PROM1: variants seen among roughly 807,000 people sequenced by gnomAD.
The protein encoded by PROM1 is prominin 1.
PROM1 carries 105 observed loss-of-function variants against 116.9 expected under a neutral mutation model. That is an observed-to-expected ratio of 0.90 (90% CI 0.77 to 1.06). The LOEUF is 1.06. Among genes scored for constraint, PROM1 ranks in the 50% least tolerant of loss-of-function variants. The pLI, the probability that PROM1 is intolerant of heterozygous loss-of-function variation, is 0.00. For missense variants in PROM1, 1,122 were observed against 1,045.2 expected, an observed-to-expected ratio of 1.07 and a Z score of -1.01; for synonymous variants, 393 against 387.0, an observed-to-expected ratio of 1.02 and a Z score of -0.18.
Position 16,063,015 on chromosome 4 carries a change from T to C in PROM1, c.220+12672A>G, listed in dbSNP as rs533433297. ...GAATAAATCTAGACAGTGATCATCA[T>C]CACTGCCAACGTCACAAAAGATACA... On this transcript the variant is annotated intron_variant, in intron 2 of 27. Transcript: ENST00000447510. Among the ~76,000 whole-genome samples, 179 of 152,326 alleles carry C rather than the reference T, an allele frequency of 1.2e-3. 1 individual carries two copies. The highest frequency in any genetic ancestry group is 4.2e-3 in the African/African-American group (176 of 41,576).
At chr4:16,033,838 C>T (rs1733353588) in intron 4 of PROM1, among the ~76,000 whole-genome samples, 1 of 151,802 alleles carries the variant, frequency 6.6e-6, no homozygotes, top group Non-Finnish European at 1.5e-5. Flanking sequence ...GTGTAAGCCA[C>T]CGCACCTGGC....
At chr4:16,049,942 T>G (rs1737460541) in intron 2 of PROM1, among the ~76,000 whole-genome samples, 1 of 152,112 alleles carries the variant, frequency 6.6e-6, no homozygotes, top group Admixed American at 6.5e-5. Context: ...ATTATTTCAC[T>G]ATTCTTCCAC....
At chr4:15,992,173 C>A in intron 17 of PROM1, 75 bp downstream of exon 17, 1 of 1,571,918 alleles carries the variant, frequency 6.4e-7, no homozygotes, top group South Asian at 1.2e-5. Flanking sequence ...AATAAAAAAT[C>A]AAAAGCAAAA....
intron 13 of PROM1, among the ~76,000 whole-genome samples, chr4:16,005,528 G>A (rs1303427354): frequency 6.6e-6 from 1 of 151,002 alleles, no homozygotes; most frequent in Admixed American, 6.6e-5. Flanking sequence ...GTGTGTGTGT[G>A]TGTGTGTGTG....
chr4:16,000,618 C>A lies in PROM1; in HGVS notation c.1456G>T (p.Gly486Ter). The stretch of plus-strand genomic sequence containing the variant: ...CAAAAGAGGAAACTTAATCCAACTC[C>A]ACTGGAAAAAAATATAAAGTTAGTA... ...SNTGGVFLMV[G>*]VGLSFLFCWI... Residue 486 changes from glycine to a stop codon, truncating the protein, a stop_gained and splice_region_variant, in exon 14 of 28, where the codon GGA (glycine) becomes TGA (stop). Coordinates refer to ENST00000447510, the MANE Select transcript of PROM1 (RefSeq NM_006017.3). LOFTEE classifies it high-confidence loss of function. 1 of 1,549,174 alleles carries A rather than the reference C, an allele frequency of 6.5e-7. No homozygotes were observed.
chr4:15,986,356 T>A (rs540551288), intron 20 of PROM1, among the ~76,000 whole-genome samples: 1 of 152,172 alleles, frequency 6.6e-6, no homozygotes, highest in South Asian at 2.1e-4. Flanking sequence ...GCTCAGCCTC[T>A]TCACGGTCAC....
At chr4:16,006,482 C>T in intron 13 of PROM1, 56 bp downstream of exon 13, 2 of 1,508,654 alleles carry the variant, frequency 1.3e-6, no homozygotes, top group Non-Finnish European at 1.8e-6. Context: ...AGAGTCAGCA[C>T]CCAGTCTCTC....
intron 11 of PROM1, among the ~76,000 whole-genome samples, chr4:16,011,227 T>C (rs1726817445): frequency 6.6e-6 from 1 of 152,132 alleles, no homozygotes; most frequent in Non-Finnish European, 1.5e-5. Context: ...AGCCTCCCAC[T>C]AGCCTCTCCT....
chr4:15,977,459 T>C (rs1175179682), intron 26 of PROM1, among the ~76,000 whole-genome samples: 1 of 152,182 alleles, frequency 6.6e-6, no homozygotes, highest in African/African-American at 2.4e-5. Flanking sequence ...CAGGCAGCCG[T>C]ACTGTCTACT....
intron 2 of PROM1, among the ~76,000 whole-genome samples, chr4:16,054,500 A>G (rs1423723936): frequency 1.3e-5 from 2 of 152,220 alleles, no homozygotes; most frequent in African/African-American, 4.8e-5. Flanking sequence ...TGACAAATAT[A>G]TGGTCACCAT....
chr4:16,014,363 G>T (rs1727722056), intron 10 of PROM1, among the ~76,000 whole-genome samples: 1 of 152,220 alleles, frequency 6.6e-6, no homozygotes, highest in South Asian at 2.1e-4. Context: ...ATTCATCTGT[G>T]TCTGGACTTG....
intron 4 of PROM1, 25 bp downstream of exon 4, chr4:16,035,710 T>G (rs1451783657): frequency 6.2e-7 from 1 of 1,602,678 alleles, no homozygotes; most frequent in Non-Finnish European, 8.6e-7. Context: ...CAAGAGCAAC[T>G]TGAAATAGCA....
chr4:16,083,438 AC>A (rs1184755552), intron 1 of PROM1: 1 of 151,100 alleles, frequency 6.6e-6, no homozygotes, highest in Non-Finnish European at 1.5e-5. Context: ...GGGCACCGGC[AC>A]CACCACGCTC....
chr4:15,984,309 T>C lies in PROM1; in HGVS notation c.2327A>G (p.Asp776Gly), dbSNP rs1033920857. Residue 776 changes from aspartate to glycine, a missense_variant, in exon 23 of 28, where the codon GAT becomes GGT. Transcript: ENST00000447510. ...ASCKPVATAL[D>G]TAVDVFLCSY... ...ACACAGAAAGACATCAACAGCAGTA[T>C]CTAGAGCGGTGGCCACAGGTTTGCA... 6.2e-7 allele frequency: 1 copy of C among 1,609,104 alleles called. No individual in the cohort carries two copies. Among genetic ancestry groups the C allele is most frequent in the South Asian group, 1.1e-5 (1 of 89,676 alleles).
chr4:16,075,174 C>T (rs1743685042), intron 2 of PROM1, among the ~76,000 whole-genome samples: 1 of 152,180 alleles, frequency 6.6e-6, no homozygotes, highest in South Asian at 2.1e-4. Flanking sequence ...CTTCCTCACA[C>T]CCAAGCTCTT....
chr4:15,981,691 A>C (rs1005372086), intron 23 of PROM1, among the ~76,000 whole-genome samples: 2 of 152,190 alleles, frequency 1.3e-5, no homozygotes, highest in African/African-American at 4.8e-5. Context: ...GTTAGAAACA[A>C]TGTTCACTGC....
chr4:16,018,411 G>A lies in PROM1; in HGVS notation c.914C>T (p.Pro305Leu), dbSNP rs142245630. The A allele has an allele frequency of 8.7e-5, 140 of 1,613,858 alleles. No individual in the cohort carries two copies. In the African/African-American group the frequency reaches 1.7e-3, roughly 20 times the overall value. Residue 305 changes from proline to leucine, a missense_variant, in exon 9 of 28, where the codon CCT becomes CTT. Transcript: ENST00000447510. ...KTSLRSSLNDPLCLVHPSSET... is the reference protein window; with the variant it reads ...KTSLRSSLNDLLCLVHPSSET... Reference sequence around the variant, plus strand: ...ACTTGATGGATGCACCAAGCACAGAGGGTCATTGAGAGATGACCGCAGGCT... The same window carrying A: ...ACTTGATGGATGCACCAAGCACAGAAGGTCATTGAGAGATGACCGCAGGCT...
chr4:15,978,990 AAAAG>A (rs1176606653), intron 26 of PROM1, among the ~76,000 whole-genome samples: 1,615 of 148,232 alleles, frequency 0.011, 33 homozygotes, highest in African/African-American at 0.037. Flanking sequence ...AAGGAAGGAA[AAAAG>A]GAAGGAAGGA....
Position 16,033,393 on chromosome 4 carries a change from A to G in PROM1, c.420T>C (p.Gly140=). ...CCTTCTGTCGCTGGTGCATTTCTCC[A>G]CCACATTTGTTACAGCAACGACACA... The part of the protein sequence containing the change: ...FCMCRCCNKC[G]GEMHQRQKEN... The change falls in exon 5 of 28, where the codon GGT becomes GGC. Residue 140 remains glycine (G), a synonymous_variant. Transcript: ENST00000447510. The G allele has an allele frequency of 1.2e-6, 2 of 1,613,856 alleles. No homozygotes were observed. Among genetic ancestry groups the G allele is most frequent in the Non-Finnish European group, 1.7e-6 (2 of 1,179,846 alleles).
Sources: gnomAD v4.1 joint callset for allele counts (sites outside exome capture counted in the v4.1 genomes callset) on GRCh38, gnomAD v4.1.1 for gene constraint, MANE v1.5 for transcripts, NCBI Gene and HGNC (gene_info 2026-07-23, HGNC 2026-07-21) for gene names.